Variants in MCF2L observed in about 807,000 individuals in gnomAD.
MCF2L encodes the protein MCF.2 cell line derived transforming sequence like.
MCF2L carries 97 observed loss-of-function variants against 153.4 expected under a neutral mutation model. That is an observed-to-expected ratio of 0.63 (90% CI 0.54 to 0.75). The LOEUF is 0.75. Among genes scored for constraint, MCF2L ranks in the 30% least tolerant of loss-of-function variants. The pLI is 0.00. For synonymous variants in MCF2L, 659 were observed against 632.2 expected (o/e 1.04, Z -0.64); for missense variants, 1,347 against 1,495.2 (o/e 0.90, Z 1.64).
Position 113,089,605 on chromosome 13 carries a change from A to T in MCF2L, c.2835-5A>T, listed in dbSNP as rs1271185577. 1.3e-6 allele frequency: 2 copies of T among 1,589,816 alleles called. No homozygotes were observed. Among genetic ancestry groups the T allele is most frequent in the Admixed American group, 1.7e-5 (1 of 59,930 alleles). On this transcript the variant is annotated splice_region_variant and splice_polypyrimidine_tract_variant and intron_variant, in intron 25 of 29. Coordinates refer to ENST00000535094, the MANE Select transcript of MCF2L (RefSeq NM_001112732.3). ...TTTCCTTTTTGATTTGTCTGATGTCATCAGTCCCTCAAGAGGAAACTCAAG... is the reference window on the plus strand; with the variant it reads ...TTTCCTTTTTGATTTGTCTGATGTCTTCAGTCCCTCAAGAGGAAACTCAAG...
chr13:113,095,247 G>A (rs1404063928), intron 27 of MCF2L: 3 of 1,203,242 alleles, frequency 2.5e-6, no homozygotes, highest in East Asian at 1.2e-4. Flanking sequence ...TGTGCTGTGC[G>A]TGGTCCATGC....
At chr13:112,984,073 C>A (rs1451008043) in intron 1 of MCF2L, among the ~76,000 whole-genome samples, 2 of 152,214 alleles carry the variant, frequency 1.3e-5, no homozygotes, top group Non-Finnish European at 2.9e-5. Context: ...CTCTGTCCTG[C>A]ATGGCATGGT....
chr13:113,055,382 C>CCACACA lies in MCF2L; in HGVS notation c.370-5153_370-5148dup, dbSNP rs59884971. Among the ~76,000 whole-genome samples, 23 of 15,238 alleles carry CCACACA rather than the reference C, an allele frequency of 1.5e-3. 1 individual carries two copies. In the East Asian group the frequency reaches 0.017, roughly 11 times the overall value. The allele number at this position is 15,238 out of a possible 152,430, so 10.0% of individuals were successfully genotyped here. A position where few individuals can be genotyped will look rare whatever the true frequency, so the allele number is the denominator to read the frequency against. ...CTGGAGACGTGGACCCCCCCCCCCG[C>CCACACA]CACACACACACACACACACACACAC... On this transcript the variant is annotated intron_variant, in intron 4 of 29. Coordinates refer to ENST00000535094, the MANE Select transcript of MCF2L (RefSeq NM_001112732.3).
chr13:113,038,796 A>G (rs1003889400), intron 3 of MCF2L, among the ~76,000 whole-genome samples: 4 of 152,242 alleles, frequency 2.6e-5, no homozygotes, highest in Non-Finnish European at 5.9e-5. Flanking sequence ...ACAGAAGAGC[A>G]GCAGCACAGA....
intron 2 of MCF2L, among the ~76,000 whole-genome samples, chr13:112,912,247 G>T (rs761245537): frequency 1.5e-4 from 23 of 152,160 alleles, no homozygotes; most frequent in Non-Finnish European, 2.1e-4. Context: ...CTCAGGAGTG[G>T]GTAATGTCTG....
chr13:112,922,147 G>A (rs949206420), intron 2 of MCF2L, among the ~76,000 whole-genome samples: 11 of 152,190 alleles, frequency 7.2e-5, no homozygotes, highest in Non-Finnish European at 1.3e-4. Flanking sequence ...TATAGTAGTC[G>A]ACTTTGTACA....
intron 1 of MCF2L, among the ~76,000 whole-genome samples, chr13:112,994,767 T>C (rs2083051441): frequency 6.6e-6 from 1 of 151,576 alleles, no homozygotes; most frequent in African/African-American, 2.4e-5. Context: ...CATATGGGCC[T>C]CCCAAGCGGT....
chr13:112,979,487 C>T (rs941868063), intron 1 of MCF2L: 1 of 1,435,766 alleles, frequency 7.0e-7, no homozygotes, highest in Non-Finnish European at 9.1e-7. Flanking sequence ...TTGGCGAAGC[C>T]CAGAGTCACC....
Position 113,011,675 on chromosome 13 carries a change from C to T in MCF2L, c.80-3088C>T, listed in dbSNP as rs545806983. Reference sequence around the variant, plus strand: ...TGGACGGTGGACACTGTGATGCAGACGGTGGACAGGCGGTGTGGACGGTGG... The same window carrying T: ...TGGACGGTGGACACTGTGATGCAGATGGTGGACAGGCGGTGTGGACGGTGG... On this transcript the variant is annotated intron_variant, in intron 1 of 29. Transcript: ENST00000535094. Among the ~76,000 whole-genome samples, 134 of 127,214 alleles carry T rather than the reference C, an allele frequency of 1.1e-3. 6 individuals carry two copies. The highest frequency in any genetic ancestry group is 3.1e-3 in the African/African-American group (104 of 33,572). The allele number at this position is 127,214 out of a possible 152,430, so 83.5% of individuals were successfully genotyped here.
chr13:112,940,636 C>G (rs527780065), intron 2 of MCF2L, among the ~76,000 whole-genome samples: 1 of 152,212 alleles, frequency 6.6e-6, no homozygotes, highest in South Asian at 2.1e-4. Flanking sequence ...CGTAAATGTA[C>G]GTGTACATTT....
intron 4 of MCF2L, among the ~76,000 whole-genome samples, chr13:113,049,270 G>T (rs985138718): frequency 2.6e-4 from 39 of 151,854 alleles, no homozygotes; most frequent in African/African-American, 8.2e-4. Flanking sequence ...TCAAGGGAGT[G>T]AGGGCAGCTG....
intron 2 of MCF2L, among the ~76,000 whole-genome samples, chr13:113,021,370 G>A (rs981173342): frequency 2.5e-4 from 38 of 152,188 alleles, no homozygotes; most frequent in Admixed American, 8.5e-4. Context: ...TGGTGATGGG[G>A]ATGAGAGGGA....
intron 3 of MCF2L, among the ~76,000 whole-genome samples, chr13:113,041,392 G>T (rs74115761): frequency 0.046 from 7,036 of 151,718 alleles, 463 homozygotes; most frequent in African/African-American, 0.15. Context: ...GCCATGGGCC[G>T]TGGGGGGGCG....
intron 1 of MCF2L, among the ~76,000 whole-genome samples, chr13:112,895,308 G>T (rs1393859623): frequency 1.3e-5 from 2 of 152,144 alleles, no homozygotes; most frequent in Non-Finnish European, 1.5e-5. Context: ...AAGGGGTTAA[G>T]GTGGCCCGGG....
intron 1 of MCF2L, among the ~76,000 whole-genome samples, chr13:112,982,587 T>C (rs2082475938): frequency 6.6e-6 from 1 of 152,018 alleles, no homozygotes. Context: ...TGAGCCCTCA[T>C]TGTGTCTGGT....
rs1469904341 is a variant in MCF2L at position 113,075,984 on chromosome 13, G to A, written c.1327G>A (p.Glu443Lys). 6.2e-7 allele frequency: 1 copy of A among 1,610,534 alleles called. No homozygotes were observed. The highest frequency in any genetic ancestry group is 1.3e-5 in the African/African-American group (1 of 74,850). ...RLETSMKWCD[E>K]GIYLLASQPV... is the part of the protein sequence containing the mutation. ...TTTCCAGTCCATGAAGTGGTGTGAT[G>A]AAGGGATTTACCTGCTGGCCTCACA... The change falls in exon 12 of 30, where the codon GAA (glutamate) becomes AAA (lysine). Residue 443 changes from glutamate (E) to lysine (K), a missense_variant. Transcript: ENST00000535094.
intron 2 of MCF2L, among the ~76,000 whole-genome samples, chr13:112,959,972 G>T (rs148992533): frequency 6.6e-6 from 1 of 152,350 alleles, no homozygotes; most frequent in Non-Finnish European, 1.5e-5. Context: ...TCCTGCAGGT[G>T]TGGGGAGAGC....
chr13:113,038,079 T>C (rs536218648), intron 3 of MCF2L, among the ~76,000 whole-genome samples: 34 of 152,312 alleles, frequency 2.2e-4, no homozygotes, highest in Admixed American at 1.8e-3. Flanking sequence ...ATATCACTTA[T>C]AATCACATCA....
intron 1 of MCF2L, chr13:113,002,100 G>C: frequency 7.9e-7 from 1 of 1,262,728 alleles, no homozygotes; most frequent in Non-Finnish European, 1.0e-6. Flanking sequence ...AGGCTGCTGG[G>C]GCAGAAGCCC....
Sources: allele counts gnomAD v4.1 joint callset (sites outside exome capture counted in the v4.1 genomes callset), GRCh38; gene constraint gnomAD v4.1.1; transcripts MANE v1.5; gene names NCBI Gene and HGNC (gene_info 2026-07-23, HGNC 2026-07-21).